Variants in ATP2B2 observed in about 807,000 individuals in gnomAD.
ATP2B2 encodes the protein ATPase plasma membrane Ca2+ transporting 2.
In ATP2B2, 15 loss-of-function variants were observed where a neutral mutation model predicts 120.0. The ratio of observed to expected loss-of-function variants is 0.12; its 90% CI spans 0.08 to 0.19. The LOEUF (loss-of-function observed/expected upper bound fraction) is 0.19. Ranked by LOEUF, ATP2B2 falls within the 10% of genes least tolerant of loss-of-function variation. ATP2B2 has a pLI of 1.00. For missense variants in ATP2B2, 1,045 were observed against 1,719.8 expected, an observed-to-expected ratio of 0.61 and a Z score of 6.94; for synonymous variants, 694 against 700.3, an observed-to-expected ratio of 0.99 and a Z score of 0.14.
intron 2 of ATP2B2, among the ~76,000 whole-genome samples, chr3:10,416,959 G>A (rs1281053179): frequency 1.3e-5 from 2 of 150,866 alleles, no homozygotes; most frequent in African/African-American, 2.4e-5. Context: ...GGGTGGCGGG[G>A]CAGAGCGGCT....
chr3:10,460,486 G>A lies in ATP2B2; in HGVS notation c.-319-10624C>T, dbSNP rs562609824. Among the ~76,000 whole-genome samples the A allele has an allele frequency of 2.6e-5, 4 of 152,308 alleles. No individual in the cohort carries two copies. In the South Asian group the frequency reaches 8.3e-4, roughly 32 times the overall value. On this transcript the variant is annotated intron_variant, in intron 1 of 22. Transcript: ENST00000360273. Reference sequence around the variant, plus strand: ...GCAATGCTGACCAATGAAGAGTGGGGTTGGGAAAGCCAAGAGAAAGGTGCA... The same window carrying A: ...GCAATGCTGACCAATGAAGAGTGGGATTGGGAAAGCCAAGAGAAAGGTGCA...
At chr3:10,625,468 A>G (rs1002688691) in intron 1 of ATP2B2, among the ~76,000 whole-genome samples, 4 of 152,092 alleles carry the variant, frequency 2.6e-5, no homozygotes, top group Admixed American at 2.6e-4. Flanking sequence ...ACTGAATGGG[A>G]TGGCTTCAGA....
At chr3:10,388,167 G>A in intron 6 of ATP2B2, 110 bp downstream of exon 6, 1 of 1,528,610 alleles carries the variant, frequency 6.5e-7, no homozygotes, top group Non-Finnish European at 9.0e-7. Context: ...TCAGCACAGG[G>A]TGCGGACGTA....
intron 1 of ATP2B2, among the ~76,000 whole-genome samples, chr3:10,687,752 T>C (rs2071558760): frequency 6.6e-6 from 1 of 152,054 alleles, no homozygotes; most frequent in Non-Finnish European, 1.5e-5. Flanking sequence ...TCCCACCTAC[T>C]TGGGAGGCTG....
intron 1 of ATP2B2, among the ~76,000 whole-genome samples, chr3:10,472,570 G>A (rs1271149900): frequency 2.0e-5 from 3 of 152,172 alleles, no homozygotes; most frequent in South Asian, 2.1e-4. Context: ...TCTTGTTCAC[G>A]GGCCAGTGGC....
rs907321462 is a variant in ATP2B2 at position 10,501,117 on chromosome 3, C to T, written c.-320+4348G>A. Among the ~76,000 whole-genome samples the T allele has an allele frequency of 2.0e-5, 3 of 152,302 alleles. 1 individual carries two copies. The South Asian group carries it at 6.2e-4, about 32-fold the overall frequency. ...TTCTTTAGGAACCTGAGCTGTGGCC[C>T]CTGCTCGGGCCTGGTCACTTGCCCT... On this transcript the variant is annotated intron_variant, in intron 1 of 22. Transcript: ENST00000360273.
At chr3:10,577,792 C>G (rs1488595892) in intron 2 of ATP2B2, among the ~76,000 whole-genome samples, 4 of 152,216 alleles carry the variant, frequency 2.6e-5, no homozygotes, top group Admixed American at 6.5e-5. Flanking sequence ...CCTGGGGATG[C>G]CAGAGGGAAC....
At chr3:10,409,765 C>T (rs1338870179) in intron 3 of ATP2B2, among the ~76,000 whole-genome samples, 1 of 152,082 alleles carries the variant, frequency 6.6e-6, no homozygotes, top group Non-Finnish European at 1.5e-5. Context: ...GAAAATGAGG[C>T]CCATAATGTT....
chr3:10,513,513 C>T (rs1378018855), intron 3 of ATP2B2, among the ~76,000 whole-genome samples: 2 of 152,030 alleles, frequency 1.3e-5, no homozygotes, highest in African/African-American at 2.4e-5. Flanking sequence ...ACGAAGCCCT[C>T]GGTGAGGGCC....
intron 2 of ATP2B2, among the ~76,000 whole-genome samples, chr3:10,548,160 A>G (rs1050976247): frequency 6.6e-6 from 1 of 152,234 alleles, no homozygotes; most frequent in Non-Finnish European, 1.5e-5. Flanking sequence ...TTTGTATCAC[A>G]CAGAGAGTGC....
At chr3:10,396,642 G>A (rs1443432476) in intron 5 of ATP2B2, among the ~76,000 whole-genome samples, 1 of 152,228 alleles carries the variant, frequency 6.6e-6, no homozygotes, top group East Asian at 1.9e-4. Context: ...TCAGAACACT[G>A]GGGAAGAAAC....
intron 1 of ATP2B2, among the ~76,000 whole-genome samples, chr3:10,471,318 G>C (rs1018455381): frequency 1.1e-4 from 17 of 152,020 alleles, no homozygotes; most frequent in African/African-American, 3.6e-4. Context: ...TCCAGGCCAC[G>C]GGAGTCTACA....
rs1001507994 is a variant in ATP2B2, at chr3:10,402,032, C to G, written c.655+59G>C. 94 of 1,605,956 alleles carry G rather than the reference C, an allele frequency of 5.9e-5. No homozygotes were observed. Among genetic ancestry groups the G allele is most frequent in the Non-Finnish European group, 7.8e-5 (92 of 1,179,854 alleles). On this transcript the variant is annotated intron_variant, in intron 4 of 22. Transcript: ENST00000360273. The surrounding 1 kb of genome is among the most constrained non-coding windows in gnomAD (Gnocchi z 4.9). ...GCCAATCTCTTTGCATCAGCCTGGC[C>G]TGTCCCACCTCTGCCGGAATCCAGC...
chr3:10,403,717 T>C (rs1014206196), intron 3 of ATP2B2, among the ~76,000 whole-genome samples: 16 of 152,204 alleles, frequency 1.1e-4, no homozygotes, highest in Admixed American at 7.2e-4. Flanking sequence ...CTGGATACCC[T>C]GCAAGGCCTG....
intron 1 of ATP2B2, among the ~76,000 whole-genome samples, chr3:10,671,558 T>C (rs1197782418): frequency 6.6e-6 from 1 of 152,226 alleles, no homozygotes; most frequent in African/African-American, 2.4e-5. Context: ...AGAGTCTTTA[T>C]TTATGGAATT....
intron 1 of ATP2B2, among the ~76,000 whole-genome samples, chr3:10,687,796 G>T (rs2071559666): frequency 6.6e-6 from 1 of 152,110 alleles, no homozygotes; most frequent in Admixed American, 6.5e-5. Context: ...GGGAAGTGGA[G>T]GTTGCAGTGA....
At chr3:10,585,473 G>T (rs1411297213) in intron 2 of ATP2B2, among the ~76,000 whole-genome samples, 1 of 115,386 alleles carries the variant, frequency 8.7e-6, no homozygotes, top group Non-Finnish European at 1.6e-5. Flanking sequence ...CAGCCTGGGC[G>T]ACAGAGCGAG....
rs757024697 is a variant in ATP2B2 at position 10,350,493 on chromosome 3, T to C, written c.2221A>G (p.Ile741Val). The change falls in exon 15 of 23, where the codon ATC becomes GTC. Residue 741 changes from isoleucine (I) to valine (V), a missense_variant. Ile to Val is a conservative substitution (Grantham distance 29, BLOSUM62 3). This residue lies in a region of ATP2B2 where 343 missense variants were observed against 536.8 expected (regional missense o/e 0.64). Coordinates refer to ENST00000360273, the MANE Select transcript of ATP2B2 (RefSeq NM_001001331.4). ...TGGATGATGCCACACTTGATGGCGA[T>C]GGCCCGAGCCGTGTTGATATTGTCG... Reference protein sequence around the residue: ...TGDNINTARAIAIKCGIIHPG... With the variant: ...TGDNINTARAVAIKCGIIHPG... 15 of 1,614,258 alleles carry C rather than the reference T, an allele frequency of 9.3e-6. No homozygotes were observed. Among genetic ancestry groups the C allele is most frequent in the Non-Finnish European group, 1.2e-5 (14 of 1,180,042 alleles).
At chr3:10,705,273 C>A (rs2071879160) in intron 1 of ATP2B2, among the ~76,000 whole-genome samples, 1 of 152,232 alleles carries the variant, frequency 6.6e-6, no homozygotes, top group South Asian at 2.1e-4. Flanking sequence ...CTGACTCCTG[C>A]TGTTTCAGAC....
Sources: gnomAD v4.1 joint callset for allele counts (sites outside exome capture counted in the v4.1 genomes callset) on GRCh38, gnomAD v4.1.1 for gene constraint, gnomAD v4.1.1 regional missense constraint, Gnocchi (gnomAD v3.1) non-coding constraint, MANE v1.5 for transcripts, NCBI Gene and HGNC (gene_info 2026-07-23, HGNC 2026-07-21) for gene names.